Variants in RAP1GAP2 observed in about 807,000 individuals in gnomAD.
RAP1GAP2 encodes the protein rap1 GTPase-activating protein 2.
Under a neutral mutation model 95.0 loss-of-function variants are expected in RAP1GAP2, and 27 were observed. The ratio of observed to expected loss-of-function variants is 0.28; its 90% confidence interval spans 0.21 to 0.39. RAP1GAP2 has a LOEUF of 0.39. RAP1GAP2 is among the 10% of genes least tolerant of loss of function. The probability of loss-of-function intolerance (pLI) is 1.00; values close to 1 mark genes in which losing one functional copy is unlikely to be tolerated. For missense variants in RAP1GAP2, 771 were observed against 970.0 expected (o/e 0.79, Z 2.72); for synonymous variants, 373 against 380.9 (o/e 0.98, Z 0.24).
At chr17:2,883,229 GCT>G (rs1390201615) in intron 2 of RAP1GAP2, among the ~76,000 whole-genome samples, 2 of 152,236 alleles carry the variant, frequency 1.3e-5, no homozygotes, top group Admixed American at 1.3e-4. Context: ...TGCACTGTGA[GCT>G]CTGAGGGGGC....
At position 2,934,022 on chromosome 17, in the gene RAP1GAP2, A is replaced by G. The variant is rs142826732; in HGVS notation, c.166-23737A>G. The stretch of plus-strand genomic sequence containing the variant: ...CCACGCCCTTACAGAGCCTCTTGCA[A>G]ATACCCACAGGGTCACCCGTCTTTG... On this transcript the variant is annotated intron_variant, in intron 3 of 24. Coordinates refer to ENST00000254695, the MANE Select transcript of RAP1GAP2 (RefSeq NM_015085.5). Among the ~76,000 whole-genome samples the G allele has an allele frequency of 6.2e-3, 950 of 152,390 alleles. 10 individuals carry two copies. The highest frequency in any genetic ancestry group is 0.021 in the African/African-American group (889 of 41,604).
At chr17:2,765,323 C>T (rs1226908674) in intron 1 of RAP1GAP2, among the ~76,000 whole-genome samples, 3 of 152,098 alleles carry the variant, frequency 2.0e-5, no homozygotes, top group Non-Finnish European at 2.9e-5. Context: ...ATTCTCAAGT[C>T]GCCCCATCTT....
chr17:2,974,205 T>C (rs1239299198), intron 8 of RAP1GAP2, among the ~76,000 whole-genome samples: 3 of 146,888 alleles, frequency 2.0e-5, no homozygotes, highest in Non-Finnish European at 4.4e-5. Context: ...AAAAATTAGC[T>C]GGGCGCAGTG....
chr17:2,952,950 G>C (rs1384867279), intron 3 of RAP1GAP2, among the ~76,000 whole-genome samples: 1 of 151,856 alleles, frequency 6.6e-6, no homozygotes, highest in African/African-American at 2.4e-5. Context: ...GATTACAGGT[G>C]TGCGCCACCA....
At chr17:2,984,240 C>T (rs942360493) in intron 10 of RAP1GAP2, among the ~76,000 whole-genome samples, 6 of 151,920 alleles carry the variant, frequency 3.9e-5, no homozygotes, top group Non-Finnish European at 5.9e-5. Flanking sequence ...CCCAACTACT[C>T]GGGAGGCTGA....
At chr17:2,893,705 C>T (rs1333952549) in intron 2 of RAP1GAP2, among the ~76,000 whole-genome samples, 5 of 152,206 alleles carry the variant, frequency 3.3e-5, no homozygotes, top group South Asian at 2.1e-4. Flanking sequence ...CTGACCATGA[C>T]GCTGCTCCCC....
At chr17:2,837,834 C>G (rs1342533893) in intron 2 of RAP1GAP2, among the ~76,000 whole-genome samples, 1 of 151,712 alleles carries the variant, frequency 6.6e-6, no homozygotes. Context: ...TCTCGATCCC[C>G]TGACCTTGTG....
At chr17:2,944,161 CA>C (rs36063732) in intron 3 of RAP1GAP2, among the ~76,000 whole-genome samples, 3,100 of 81,800 alleles carry the variant, frequency 0.038, 32 homozygotes, top group African/African-American at 0.058. Context: ...ACAGCAAAAC[CA>C]AAAAAAAAAA....
intron 18 of RAP1GAP2, 137 bp downstream of exon 18, chr17:3,018,335 G>T: frequency 8.3e-7 from 1 of 1,198,910 alleles, no homozygotes; most frequent in South Asian, 1.6e-5. Flanking sequence ...GGAAACTGAG[G>T]CTGCTTGGGG....
In RAP1GAP2 at chr17:2,870,609, T is replaced by C. The variant is rs145702800; in HGVS notation, c.81-34675T>C. Among the ~76,000 whole-genome samples the C allele has an allele frequency of 8.7e-3, 1,318 of 152,354 alleles. 20 individuals are homozygous for C. The highest frequency in any genetic ancestry group is 0.03 in the African/African-American group (1,245 of 41,578). On this transcript the variant is annotated intron_variant, in intron 2 of 24. Transcript: ENST00000254695. This position sits in a 1 kb window ranked among gnomAD's most constrained non-coding sequence, Gnocchi z 4.4. ...TTTTTTCTATGCAAAAGCACACCCT[T>C]TCACGTAATATACTTACATCTGCAT...
rs571782455 is a variant in RAP1GAP2 at position 2,982,809 on chromosome 17, T to G, written c.729+1561T>G. On this transcript the variant is annotated intron_variant, in intron 10 of 24. Transcript: ENST00000254695. The stretch of plus-strand genomic sequence containing the variant: ...AGTTCTCTCTATCCCTTGGAAAGCC[T>G]CGGGCCTTGGTCATAATGGAAGAGC... 3.9e-5 allele frequency among the ~76,000 whole-genome samples: 6 copies of G among 152,166 alleles called. No homozygotes were observed. In the East Asian group the frequency reaches 1.2e-3, roughly 30 times the overall value.
chr17:3,028,189 T>C (rs2047186529), intron 22 of RAP1GAP2, among the ~76,000 whole-genome samples: 1 of 151,968 alleles, frequency 6.6e-6, no homozygotes, highest in African/African-American at 2.4e-5. Context: ...TGTATGAAGA[T>C]GAAAGGAGCT....
At position 2,902,767 on chromosome 17, in the gene RAP1GAP2, T is replaced by C. The variant is rs1291397441; in HGVS notation, c.81-2517T>C. Among the ~76,000 whole-genome samples the C allele has an allele frequency of 6.6e-6, 1 of 151,904 alleles. No individual in the cohort carries two copies. The highest frequency in any genetic ancestry group is 1.5e-5 in the Non-Finnish European group (1 of 67,960). ...CCCCAGGAGCTTATCCAGTGTCCAG[T>C]AGAGACCGGCCCCAGGAGCTTATCC... On this transcript the variant is annotated intron_variant, in intron 2 of 24. Transcript: ENST00000254695. The surrounding 1 kb of genome is among the most constrained non-coding windows in gnomAD (Gnocchi z 4.1).
rs117633602 is a variant in RAP1GAP2 at position 2,941,563 on chromosome 17, C to G, written c.166-16196C>G. ...GCACCGTGAGATGAGGGAGGCAGTG[C>G]AGGTAAGGAGAGGTGGTGAGATGTG... On this transcript the variant is annotated intron_variant, in intron 3 of 24. Transcript: ENST00000254695. Among the ~76,000 whole-genome samples the G allele has an allele frequency of 3.9e-3, 597 of 151,932 alleles. 18 individuals are homozygous for G. In the East Asian group the frequency reaches 0.062, roughly 16 times the overall value.
intron 2 of RAP1GAP2, among the ~76,000 whole-genome samples, chr17:2,901,026 G>T (rs2042010182): frequency 6.6e-6 from 1 of 152,186 alleles, no homozygotes; most frequent in Admixed American, 6.5e-5. Context: ...TCCGCCAGGG[G>T]TCTGTCTAGC....
At chr17:2,824,819 A>G (rs1157047753) in intron 2 of RAP1GAP2, among the ~76,000 whole-genome samples, 2 of 151,326 alleles carry the variant, frequency 1.3e-5, no homozygotes, top group Non-Finnish European at 2.9e-5. Flanking sequence ...AGGCTTGGCC[A>G]GAGAGGAGGA....
At position 2,962,734 on chromosome 17, in the gene RAP1GAP2, G is replaced by A; in HGVS notation, c.246+20G>A. On this transcript the variant is annotated intron_variant, in intron 5 of 24. Transcript: ENST00000254695. ...AACAAGGTGGGCTGGGTGGGTGAGG[G>A]GGTGGCCAGACGGCCCTGGTGAGGG... 6.3e-7 allele frequency: 1 copy of A among 1,585,754 alleles called. No homozygotes were observed. Among genetic ancestry groups the A allele is most frequent in the South Asian group, 1.1e-5 (1 of 87,016 alleles).
At chr17:2,970,976 A>G (rs2044844874) in intron 8 of RAP1GAP2, among the ~76,000 whole-genome samples, 1 of 152,116 alleles carries the variant, frequency 6.6e-6, no homozygotes. Flanking sequence ...TCGAGGCTAC[A>G]ATGAGCCATG....
chr17:3,020,679 C>G, intron 19 of RAP1GAP2, 84 bp downstream of exon 19: 1 of 1,242,270 alleles, frequency 8.0e-7, no homozygotes, highest in South Asian at 1.3e-5. Flanking sequence ...AGTGCCCTAC[C>G]TTGCAGGGAG....
Sources: gnomAD v4.1 joint callset for allele counts (sites outside exome capture counted in the v4.1 genomes callset) on GRCh38, gnomAD v4.1.1 for gene constraint, Gnocchi (gnomAD v3.1) non-coding constraint, MANE v1.5 for transcripts, NCBI Gene and HGNC (gene_info 2026-07-23, HGNC 2026-07-21) for gene names.